FRMD4A: variants seen among roughly 807,000 people sequenced by gnomAD.
FRMD4A encodes FERM domain containing 4A, also known as FERM domain-containing protein 4A.
FRMD4A carries 29 observed loss-of-function variants against 129.1 expected under a neutral mutation model. That is an observed-to-expected ratio of 0.22 (90% CI 0.17 to 0.31). The LOEUF (loss-of-function observed/expected upper bound fraction) is 0.31. Ranked by LOEUF, FRMD4A falls within the 10% of genes least tolerant of loss-of-function variation. The pLI is 1.00. For synonymous variants in FRMD4A, 634 were observed against 571.6 expected (o/e 1.11, Z -1.56); for missense variants, 1,272 against 1,375.8 (o/e 0.92, Z 1.19).
At chr10:13,760,263 G>A (rs2092018474) in intron 8 of FRMD4A, among the ~76,000 whole-genome samples, 3 of 152,018 alleles carry the variant, frequency 2.0e-5, no homozygotes, top group South Asian at 2.1e-4. Flanking sequence ...AAAGCTCGCC[G>A]ATCCTTGTTT....
intron 2 of FRMD4A, among the ~76,000 whole-genome samples, chr10:13,990,212 T>G (rs2095598476): frequency 6.6e-6 from 1 of 152,222 alleles, no homozygotes; most frequent in Non-Finnish European, 1.5e-5. Context: ...CTGCATAGAT[T>G]AAGCACATAG....
chr10:14,248,404 C>T (rs1844320413), intron 2 of FRMD4A, among the ~76,000 whole-genome samples: 1 of 152,170 alleles, frequency 6.6e-6, no homozygotes, highest in Non-Finnish European at 1.5e-5. Flanking sequence ...TGCCTTTTTC[C>T]AGTCTTACAT....
intron 2 of FRMD4A, among the ~76,000 whole-genome samples, chr10:14,260,836 T>C (rs2132033208): frequency 6.6e-6 from 1 of 152,344 alleles, no homozygotes; most frequent in South Asian, 2.1e-4. Flanking sequence ...ACCTGGATGC[T>C]TCCCCAAGGA....
intron 2 of FRMD4A, among the ~76,000 whole-genome samples, chr10:13,975,283 G>T (rs1268064699): frequency 6.6e-6 from 1 of 151,204 alleles, no homozygotes; most frequent in Non-Finnish European, 1.5e-5. Flanking sequence ...CTGTGTATAT[G>T]TCTATCATAT....
chr10:13,842,738 T>G (rs2093986077), intron 3 of FRMD4A, among the ~76,000 whole-genome samples: 1 of 152,178 alleles, frequency 6.6e-6, no homozygotes, highest in African/African-American at 2.4e-5. Context: ...TAAATGTGTC[T>G]TATTTAAAAG....
At chr10:14,324,716 C>T (rs1029051005) in intron 2 of FRMD4A, among the ~76,000 whole-genome samples, 1 of 152,108 alleles carries the variant, frequency 6.6e-6, no homozygotes, top group Non-Finnish European at 1.5e-5. Flanking sequence ...AGTGCAGTGG[C>T]GTGCGCCGAT....
chr10:14,103,725 G>A (rs554349628), intron 2 of FRMD4A, among the ~76,000 whole-genome samples: 1 of 152,080 alleles, frequency 6.6e-6, no homozygotes, highest in East Asian at 1.9e-4. Context: ...ACTCTAAGGG[G>A]CACCTTATTT....
intron 8 of FRMD4A, among the ~76,000 whole-genome samples, chr10:13,754,567 CGTGTGTGTGTGTGT>C (rs56304219): frequency 6.1e-5 from 9 of 147,992 alleles, no homozygotes; most frequent in South Asian, 4.4e-4. Context: ...ACAATTCTTT[CGTGTGTGTGTGTGT>C]GTGTGTGTGT....
At chr10:14,171,681 C>G (rs1243650234) in intron 2 of FRMD4A, among the ~76,000 whole-genome samples, 1 of 152,208 alleles carries the variant, frequency 6.6e-6, no homozygotes, top group Admixed American at 6.5e-5. Flanking sequence ...ATGATTTAGA[C>G]TGGTTAAGTC....
At chr10:14,161,225 G>A (rs749131309) in intron 2 of FRMD4A, among the ~76,000 whole-genome samples, 1 of 152,130 alleles carries the variant, frequency 6.6e-6, no homozygotes, top group Non-Finnish European at 1.5e-5. Context: ...CAAAGTGCTG[G>A]GATTACAGGC....
chr10:13,899,826 A>G (rs141330285), intron 2 of FRMD4A, among the ~76,000 whole-genome samples: 1 of 152,290 alleles, frequency 6.6e-6, no homozygotes, highest in African/African-American at 2.4e-5. Context: ...TGGCCACAGA[A>G]TTACTTTGTA....
At chr10:13,943,675 A>AAAAAAAG (rs2095310696) in intron 2 of FRMD4A, among the ~76,000 whole-genome samples, 5 of 123,670 alleles carry the variant, frequency 4.0e-5, no homozygotes, top group Non-Finnish European at 5.3e-5. Flanking sequence ...AAAAAAAAAA[A>AAAAAAAG]AAAAGAAAAA....
chr10:13,722,224 GCT>G (rs2089473979), intron 12 of FRMD4A, among the ~76,000 whole-genome samples: 2 of 146,264 alleles, frequency 1.4e-5, no homozygotes, highest in East Asian at 2.0e-4. Flanking sequence ...ACTGGCCAGG[GCT>G]CTTTTTTTTT....
intron 14 of FRMD4A, among the ~76,000 whole-genome samples, chr10:13,698,182 CA>C (rs1275860663): frequency 4.6e-5 from 7 of 152,176 alleles, no homozygotes; most frequent in African/African-American, 1.7e-4. Context: ...ACCCGAGTGT[CA>C]GGGGAGCACC....
At chr10:13,650,081 G>T (rs1478020221) in intron 24 of FRMD4A, among the ~76,000 whole-genome samples, 1 of 152,198 alleles carries the variant, frequency 6.6e-6, no homozygotes, top group East Asian at 1.9e-4. Context: ...CCTGCAAAGG[G>T]TACTGGCTAA....
intron 2 of FRMD4A, among the ~76,000 whole-genome samples, chr10:14,037,385 T>G (rs1442987226): frequency 6.6e-6 from 1 of 152,112 alleles, no homozygotes; most frequent in Non-Finnish European, 1.5e-5. Context: ...GTCCACCTAA[T>G]TTTTGTATTT....
chr10:13,685,579 C>T, intron 15 of FRMD4A: 1 of 984,856 alleles, frequency 1.0e-6, no homozygotes, highest in Non-Finnish European at 1.2e-6. Flanking sequence ...TCATTCTGTG[C>T]TCCCAGCAAA....
intron 12 of FRMD4A, among the ~76,000 whole-genome samples, chr10:13,723,342 T>G (rs1359331906): frequency 6.6e-6 from 1 of 152,238 alleles, no homozygotes; most frequent in East Asian, 1.9e-4. Flanking sequence ...GGTTTGGATA[T>G]TAAAACCCTA....
In FRMD4A at chr10:13,778,609, GTGTGTGTGTGTGTT is replaced by G. The variant is rs1249917752; in HGVS notation, c.384+4299_384+4312del. On this transcript the variant is annotated intron_variant, in intron 6 of 24. Coordinates refer to ENST00000357447, the MANE Select transcript of FRMD4A (RefSeq NM_018027.5). ...TACTACCATTCCAACGTGTGTGTGTGTGTGTGTGTGTGTTTGTGTGTGTGTTAAGGTTTAATGGG... is the reference window on the plus strand; with the variant it reads ...TACTACCATTCCAACGTGTGTGTGTGTGTGTGTGTGTTAAGGTTTAATGGG... Among the ~76,000 whole-genome samples the G allele has an allele frequency of 1.4e-4, 21 of 146,678 alleles. No homozygotes were observed. In the East Asian group the frequency reaches 1.6e-3, roughly 11 times the overall value.
Sources: allele counts gnomAD v4.1 joint callset (sites outside exome capture counted in the v4.1 genomes callset), GRCh38; gene constraint gnomAD v4.1.1; transcripts MANE v1.5; gene names NCBI Gene and HGNC (gene_info 2026-07-23, HGNC 2026-07-21).